The following DIAPH2 variants were observed in gnomAD, a reference collection of about 807,000 sequenced individuals.
DIAPH2 encodes diaphanous related formin 2.
A neutral mutation model predicts 92.7 loss-of-function variants in DIAPH2; 35 were observed. The observed-to-expected ratio is 0.38, with a 90% CI of 0.29 to 0.50. The LOEUF is 0.50. Ranked by LOEUF, DIAPH2 falls within the 20% of genes least tolerant of loss-of-function variation. DIAPH2 has a pLI of 0.94. For missense variants in DIAPH2, 701 were observed against 819.5 expected (o/e 0.86, Z 1.77); for synonymous variants, 301 against 280.4 (o/e 1.07, Z -0.73).
At chrX:97,125,208 C>T (rs1439853907) in intron 21 of DIAPH2, among the ~76,000 whole-genome samples, 1 of 111,233 alleles carries the variant, frequency 9.0e-6, no homozygotes, top group Non-Finnish European at 1.9e-5. Flanking sequence ...GGCGCGGTGG[C>T]TCACGCCTGT....
At chrX:97,150,122 C>G (rs981821998) in intron 22 of DIAPH2, among the ~76,000 whole-genome samples, 2 of 111,317 alleles carry the variant, frequency 1.8e-5, no homozygotes, top group African/African-American at 6.5e-5. Context: ...TACAGCAGAT[C>G]TCTAGAGCTT....
At chrX:96,974,172 A>G (rs1198384395) in intron 17 of DIAPH2, among the ~76,000 whole-genome samples, 1 of 111,876 alleles carries the variant, frequency 8.9e-6, no homozygotes, top group Non-Finnish European at 1.9e-5. Flanking sequence ...GAGGGGTGAA[A>G]TGCATACTGC....
At position 96,944,239 on chromosome X, in the gene DIAPH2, T is replaced by C. The variant is rs1452200458; in HGVS notation, c.1445-1288T>C. Among the ~76,000 whole-genome samples, 3 of 111,811 alleles carry C rather than the reference T, an allele frequency of 2.7e-5. No homozygotes were observed. In the East Asian group the frequency reaches 8.4e-4, roughly 31 times the overall value. ...TCTCTGATGCCTTTCCATTGAAATT[T>C]AAATTCTAAATCATTACCAGCCATG... On this transcript the variant is annotated intron_variant, in intron 13 of 26. Transcript: ENST00000324765.
chrX:97,535,092 T>C (rs1379034487), intron 26 of DIAPH2, among the ~76,000 whole-genome samples: 3 of 111,999 alleles, frequency 2.7e-5, no homozygotes, highest in African/African-American at 9.7e-5. Flanking sequence ...GATAGCTACA[T>C]GTGATGCTGT....
chrX:96,877,867 T>G (rs1311310285), intron 4 of DIAPH2, among the ~76,000 whole-genome samples: 1 of 112,334 alleles, frequency 8.9e-6, no homozygotes, highest in Admixed American at 9.5e-5. Context: ...GATTTTCAAA[T>G]TAAGGAATGG....
intron 26 of DIAPH2, among the ~76,000 whole-genome samples, chrX:97,570,106 ATATATATAT>A (rs2071356898): frequency 6.3e-5 from 2 of 31,638 alleles, no homozygotes; most frequent in African/African-American, 2.0e-4. Context: ...ATATATATAT[ATATATATAT>A]ATATATATTA....
intron 26 of DIAPH2, among the ~76,000 whole-genome samples, chrX:97,592,837 C>T (rs999260554): frequency 7.2e-5 from 8 of 111,749 alleles, no homozygotes; most frequent in African/African-American, 9.7e-5. Context: ...TATTGCTTTC[C>T]ATTACCATCC....
At chrX:97,473,742 C>T (rs942816055) in intron 26 of DIAPH2, among the ~76,000 whole-genome samples, 10 of 111,889 alleles carry the variant, frequency 8.9e-5, no homozygotes, top group Non-Finnish European at 1.3e-4. Context: ...AGGTGGATCA[C>T]TTGAGGTCAG....
chrX:96,918,061 C>T (rs2065516747), intron 8 of DIAPH2, among the ~76,000 whole-genome samples: 1 of 109,815 alleles, frequency 9.1e-6, no homozygotes, highest in Non-Finnish European at 1.9e-5. Context: ...CTTTTGATGC[C>T]CTAAAATTAT....
At chrX:96,804,113 T>A (rs748634261) in intron 4 of DIAPH2, among the ~76,000 whole-genome samples, 3 of 111,675 alleles carry the variant, frequency 2.7e-5, no homozygotes, top group Non-Finnish European at 3.8e-5. Context: ...CGGAATAATT[T>A]TGTCTGTTTC....
chrX:96,907,691 G>C (rs773594606), intron 5 of DIAPH2, among the ~76,000 whole-genome samples: 1 of 111,881 alleles, frequency 8.9e-6, no homozygotes, highest in Non-Finnish European at 1.9e-5. Flanking sequence ...ATATTTTGCT[G>C]AAGGAGTGCC....
chrX:97,129,112 T>TTTTCTTTTCTTTTCTTTTCTTTTC (rs1569308076), intron 21 of DIAPH2, among the ~76,000 whole-genome samples: 11 of 76,909 alleles, frequency 1.4e-4, no homozygotes, highest in African/African-American at 5.8e-4. Flanking sequence ...TTTTCTTTTC[T>TTTTCTTTTCTTTTCTTTTCTTTTC]TTTCTTTTCT....
chrX:97,579,648 C>T (rs1394061384), intron 26 of DIAPH2, among the ~76,000 whole-genome samples: 6 of 110,430 alleles, frequency 5.4e-5, no homozygotes, highest in Admixed American at 9.6e-5. Context: ...CTTGGCGATG[C>T]GGGCTCTTTT....
intron 20 of DIAPH2, among the ~76,000 whole-genome samples, chrX:97,105,513 T>A (rs2066934004): frequency 9.0e-6 from 1 of 111,600 alleles, no homozygotes; most frequent in Non-Finnish European, 1.9e-5. Flanking sequence ...AATTATGTGC[T>A]GTACCTTTAC....
Position 96,912,315 on chromosome X carries a change from G to T in DIAPH2, c.588-13G>T. 8.5e-7 allele frequency: 1 copy of T among 1,171,825 alleles called. No individual in the cohort carries two copies. The highest frequency in any genetic ancestry group is 2.3e-5 in the Admixed American group (1 of 43,431). ...AACTTACTTATACATCTAATTTTTT[G>T]TTTATTTCTCAGCTGGGTTAACAAC... On this transcript the variant is annotated splice_polypyrimidine_tract_variant and intron_variant, in intron 5 of 26. Coordinates refer to ENST00000324765, the MANE Select transcript of DIAPH2 (RefSeq NM_006729.5).
intron 24 of DIAPH2, among the ~76,000 whole-genome samples, chrX:97,351,666 G>A (rs976900702): frequency 9.0e-6 from 1 of 111,022 alleles, no homozygotes; most frequent in Admixed American, 9.6e-5. Flanking sequence ...AGCCGGGCGT[G>A]GTGGCGGGCG....
chrX:96,805,960 A>G (rs5950028), intron 4 of DIAPH2, among the ~76,000 whole-genome samples: 6,420 of 112,090 alleles, frequency 0.057, 204 homozygotes, highest in Middle Eastern at 0.16. Context: ...CATAAATCAC[A>G]TAGTATAGGA....
At chrX:96,969,160 A>G (rs2147829444) in intron 17 of DIAPH2, among the ~76,000 whole-genome samples, 1 of 111,899 alleles carries the variant, frequency 8.9e-6, no homozygotes, top group African/African-American at 3.2e-5. Flanking sequence ...AGGTAATGTG[A>G]TGCCTCTGGC....
intron 26 of DIAPH2, among the ~76,000 whole-genome samples, chrX:97,548,747 T>C (rs1022237696): frequency 1.8e-5 from 2 of 112,511 alleles, no homozygotes; most frequent in East Asian, 5.5e-4. Flanking sequence ...AAGTCTAATA[T>C]AACTTGGTCT....
Sources: gnomAD v4.1 joint callset for allele counts (sites outside exome capture counted in the v4.1 genomes callset) on GRCh38, gnomAD v4.1.1 for gene constraint, MANE v1.5 for transcripts, NCBI Gene and HGNC (gene_info 2026-07-23, HGNC 2026-07-21) for gene names.